Variants in CHRNA7 observed in about 807,000 individuals in gnomAD.
CHRNA7 encodes the protein neuronal acetylcholine receptor subunit alpha-7.
Under a neutral mutation model 48.0 loss-of-function variants are expected in CHRNA7, and 17 were observed. The observed-to-expected ratio is 0.35, with a 90% CI of 0.24 to 0.53. CHRNA7 has a LOEUF of 0.53. CHRNA7 is among the 20% of genes least tolerant of loss of function. The probability of loss-of-function intolerance (pLI) is 0.92; values close to 1 mark genes in which losing one functional copy is unlikely to be tolerated. For synonymous variants in CHRNA7, 75 were observed against 242.3 expected (o/e 0.31, Z 6.41); for missense variants, 155 against 577.7 (o/e 0.27, Z 7.50).
At chr15:32,142,485 C>G (rs575568478) in intron 4 of CHRNA7, among the ~76,000 whole-genome samples, 11 of 152,156 alleles carry the variant, frequency 7.2e-5, no homozygotes, top group Admixed American at 2.0e-4. Context: ...GAATAGTTTC[C>G]GAAGAAATGG....
At chr15:32,117,461 G>C (rs774386453) in intron 4 of CHRNA7, among the ~76,000 whole-genome samples, 3 of 152,214 alleles carry the variant, frequency 2.0e-5, no homozygotes, top group Non-Finnish European at 4.4e-5. Flanking sequence ...CTACAGCGCA[G>C]ATGAGCCATC....
chr15:32,054,731 G>A (rs944810917), intron 2 of CHRNA7, among the ~76,000 whole-genome samples: 1 of 152,182 alleles, frequency 6.6e-6, no homozygotes, highest in Non-Finnish European at 1.5e-5. Context: ...CACCCAAGTT[G>A]TTGTCTGTAG....
chr15:32,115,964 C>CA (rs2141288527), intron 4 of CHRNA7, among the ~76,000 whole-genome samples: 1 of 152,258 alleles, frequency 6.6e-6, no homozygotes, highest in South Asian at 2.1e-4. Flanking sequence ...CAGGAAATAG[C>CA]AAAAATAGTC....
Position 32,107,078 on chromosome 15 carries a change from A to G in CHRNA7, c.241-4712A>G, listed in dbSNP as rs113458810. On this transcript the variant is annotated intron_variant, in intron 3 of 9. Coordinates refer to ENST00000306901, the MANE Select transcript of CHRNA7 (RefSeq NM_000746.6). ...TGGGGTGGAAAGGCTGCTTTCCTCC[A>G]CTAACAAAATAATGGACGGGAATAA... Among the ~76,000 whole-genome samples, 1,431 of 152,260 alleles carry G rather than the reference A, an allele frequency of 9.4e-3. 29 individuals are homozygous for G. Among genetic ancestry groups the G allele is most frequent in the African/African-American group, 0.033 (1,352 of 41,554 alleles).
intron 2 of CHRNA7, among the ~76,000 whole-genome samples, chr15:32,037,120 C>A (rs979447646): frequency 6.6e-6 from 1 of 152,082 alleles, no homozygotes; most frequent in Non-Finnish European, 1.5e-5. Context: ...GGTGTAAGGT[C>A]CGTGTCTACA....
At chr15:32,109,424 G>A (rs891290329) in intron 3 of CHRNA7, among the ~76,000 whole-genome samples, 8 of 152,128 alleles carry the variant, frequency 5.3e-5, no homozygotes, top group African/African-American at 1.9e-4. Flanking sequence ...CTCATCCTGT[G>A]ACTTAGAATG....
intron 4 of CHRNA7, among the ~76,000 whole-genome samples, chr15:32,139,680 AG>A (rs1566867942): frequency 6.6e-6 from 1 of 151,918 alleles, no homozygotes; most frequent in Non-Finnish European, 1.5e-5. Context: ...GTGTCTGTTA[AG>A]GTCTTTGGCC....
At chr15:32,074,597 A>G (rs1016909022) in intron 2 of CHRNA7, among the ~76,000 whole-genome samples, 1 of 149,732 alleles carries the variant, frequency 6.7e-6, no homozygotes, top group Non-Finnish European at 1.5e-5. Context: ...ATTTCGTCAG[A>G]TGGTTTTTTC....
chr15:32,146,681 C>T (rs991098142), intron 4 of CHRNA7, among the ~76,000 whole-genome samples: 3 of 152,154 alleles, frequency 2.0e-5, no homozygotes, highest in Non-Finnish European at 2.9e-5. Context: ...GAAAGAACAA[C>T]ATAAATGTTG....
intron 2 of CHRNA7, among the ~76,000 whole-genome samples, chr15:32,044,562 C>T (rs180979081): frequency 1.3e-5 from 2 of 152,310 alleles, no homozygotes; most frequent in Non-Finnish European, 2.9e-5. Context: ...AGGCGTGAGC[C>T]ACTGTGCCCG....
At chr15:32,061,711 G>A (rs1188532080) in intron 2 of CHRNA7, among the ~76,000 whole-genome samples, 5 of 152,176 alleles carry the variant, frequency 3.3e-5, no homozygotes, top group African/African-American at 2.4e-5. Flanking sequence ...GGGATGCTGA[G>A]GCAGGAGAAT....
At chr15:32,041,120 A>T (rs959885094) in intron 2 of CHRNA7, among the ~76,000 whole-genome samples, 1 of 152,106 alleles carries the variant, frequency 6.6e-6, no homozygotes. Flanking sequence ...GAAATGATAT[A>T]CTTAGATGTT....
At position 32,139,875 on chromosome 15, in the gene CHRNA7, G is replaced by A. The variant is rs7179517; in HGVS notation, c.351-14032G>A. On this transcript the variant is annotated intron_variant, in intron 4 of 9. Transcript: ENST00000306901. Reference sequence around the variant, plus strand: ...AGAAATTCAAAAAGGTAGGTTTACAGGCAAGTTCCACCCAGCATAAAATAT... The same window carrying A: ...AGAAATTCAAAAAGGTAGGTTTACAAGCAAGTTCCACCCAGCATAAAATAT... 1.5e-3 allele frequency among the ~76,000 whole-genome samples: 228 copies of A among 152,152 alleles called. 1 individual carries two copies. The highest frequency in any genetic ancestry group is 4.5e-3 in the African/African-American group (186 of 41,512).
intron 4 of CHRNA7, among the ~76,000 whole-genome samples, chr15:32,132,580 G>A (rs1323314078): frequency 1.3e-5 from 2 of 152,104 alleles, no homozygotes; most frequent in Non-Finnish European, 2.9e-5. Flanking sequence ...CAAGATCAAG[G>A]GTCTGGATTT....
chr15:32,153,469 G>T (rs71476588), intron 4 of CHRNA7: 40,799 of 171,732 alleles, frequency 0.24, 5,284 homozygotes, highest in Non-Finnish European at 0.3. Flanking sequence ...ACCAAGTGTG[G>T]GTCCGCTTCA....
chr15:32,052,973 T>C (rs925549168), intron 2 of CHRNA7, among the ~76,000 whole-genome samples: 11 of 152,162 alleles, frequency 7.2e-5, no homozygotes, highest in African/African-American at 2.2e-4. Context: ...GGTATCAAAA[T>C]ATCACATGTA....
At chr15:32,030,683 C>A in intron 1 of CHRNA7, 34 bp downstream of exon 1, 1 of 1,557,486 alleles carries the variant, frequency 6.4e-7, no homozygotes, top group Non-Finnish European at 8.7e-7. Flanking sequence ...TCCACTCCTC[C>A]GTGGGATCCC....
At chr15:32,055,363 A>G (rs2049768879) in intron 2 of CHRNA7, among the ~76,000 whole-genome samples, 1 of 152,006 alleles carries the variant, frequency 6.6e-6, no homozygotes, top group Non-Finnish European at 1.5e-5. Context: ...TGGGTAATTT[A>G]TTAAAAATAG....
chr15:32,114,502 A>G (rs181889838), intron 4 of CHRNA7, among the ~76,000 whole-genome samples: 3 of 152,326 alleles, frequency 2.0e-5, no homozygotes, highest in South Asian at 2.1e-4. Flanking sequence ...CATGGTGGAC[A>G]TAGACCACGT....
Sources: allele counts gnomAD v4.1 joint callset (sites outside exome capture counted in the v4.1 genomes callset), GRCh38; gene constraint gnomAD v4.1.1; transcripts MANE v1.5; gene names NCBI Gene and HGNC (gene_info 2026-07-23, HGNC 2026-07-21).